The following ADCY3 variants were observed in gnomAD, a reference collection of about 807,000 sequenced individuals.
The protein encoded by ADCY3 is adenylate cyclase 3.
In ADCY3, 70 loss-of-function variants were observed where a neutral mutation model predicts 119.4. The observed-to-expected ratio is 0.59, with a 90% confidence interval of 0.48 to 0.72. The LOEUF (loss-of-function observed/expected upper bound fraction) is 0.72. Ranked by LOEUF, ADCY3 falls within the 30% of genes least tolerant of loss-of-function variation. ADCY3 has a pLI of 0.00. For synonymous variants in ADCY3, 672 were observed against 621.4 expected, an observed-to-expected ratio of 1.08 and a Z score of -1.21; for missense variants, 1,238 against 1,541.6, an observed-to-expected ratio of 0.80 and a Z score of 3.30.
At chr2:24,907,686 T>C (rs955253563) in intron 2 of ADCY3, among the ~76,000 whole-genome samples, 21 of 152,030 alleles carry the variant, frequency 1.4e-4, no homozygotes, top group Admixed American at 7.2e-4. Flanking sequence ...GACACATAAA[T>C]AAAATCAATA....
chr2:24,884,944 T>C (rs1676857704), intron 2 of ADCY3, among the ~76,000 whole-genome samples: 1 of 152,226 alleles, frequency 6.6e-6, no homozygotes, highest in Non-Finnish European at 1.5e-5. Flanking sequence ...TGCGTTTAAT[T>C]CAGTTCCCTG....
At chr2:24,866,753 A>T (rs900345196) in intron 3 of ADCY3, among the ~76,000 whole-genome samples, 6 of 152,122 alleles carry the variant, frequency 3.9e-5, no homozygotes, top group African/African-American at 9.7e-5. Context: ...AGTTTTTAAA[A>T]TCAAATGGAA....
At chr2:24,827,304 T>G (rs958988329) in intron 15 of ADCY3, among the ~76,000 whole-genome samples, 10 of 152,196 alleles carry the variant, frequency 6.6e-5, no homozygotes, top group Non-Finnish European at 1.3e-4. Flanking sequence ...CTCCTCATTT[T>G]CCTGCTGCCT....
chr2:24,832,915 T>C (rs1244980042), intron 11 of ADCY3, among the ~76,000 whole-genome samples: 1 of 152,172 alleles, frequency 6.6e-6, no homozygotes, highest in African/African-American at 2.4e-5. Flanking sequence ...GTCCTGCCAG[T>C]TGCTCAGATC....
chr2:24,838,365 T>C, intron 8 of ADCY3, 80 bp downstream of exon 8: 9 of 1,405,382 alleles, frequency 6.4e-6, no homozygotes, highest in Non-Finnish European at 8.7e-6. Context: ...TTCTGCAATC[T>C]TTCCTTAATC....
At chr2:24,910,876 A>C (rs1287964313) in intron 2 of ADCY3, among the ~76,000 whole-genome samples, 2 of 151,972 alleles carry the variant, frequency 1.3e-5, no homozygotes, top group Non-Finnish European at 2.9e-5. Context: ...CGATCTCCTG[A>C]CCTCGTGATC....
intron 3 of ADCY3, among the ~76,000 whole-genome samples, chr2:24,870,406 A>G (rs1674851071): frequency 6.6e-6 from 1 of 152,118 alleles, no homozygotes; most frequent in African/African-American, 2.4e-5. Context: ...AGGGGCAGCA[A>G]CGAGCCCAAG....
chr2:24,870,640 G>A (rs892614813), intron 3 of ADCY3, among the ~76,000 whole-genome samples: 4 of 152,188 alleles, frequency 2.6e-5, no homozygotes, highest in African/African-American at 7.2e-5. Context: ...ACTGTGGCCC[G>A]GGCAGGCTGC....
In ADCY3 at chr2:24,842,491, G is replaced by C; in HGVS notation, c.826-107C>G. ...GATCCTGGCAAGAAACGTGAGCAGG[G>C]AACCATGCTGCCCTCCAGAGAGACC... On this transcript the variant is annotated intron_variant, in intron 3 of 21. Coordinates refer to ENST00000679454, the MANE Select transcript of ADCY3 (RefSeq NM_004036.5). The surrounding 1 kb of genome is among the most constrained non-coding windows in gnomAD (Gnocchi z 4.9). 7.1e-7 allele frequency: 1 copy of C among 1,412,458 alleles called. No individual in the cohort carries two copies. Among genetic ancestry groups the C allele is most frequent in the East Asian group, 2.4e-5 (1 of 41,460 alleles). The allele number at this position is 1,412,458 out of a possible 1,614,324, so 87.5% of individuals were successfully genotyped here. A position where few individuals can be genotyped will look rare whatever the true frequency, so the allele number is the denominator to read the frequency against.
rs149692614 is a variant in ADCY3, at chr2:24,897,857, G to A, written c.675+20456C>T. Reference sequence around the variant, plus strand: ...GGCTCAGGTCAGGTCCTTGTATCCCGCCACGTTCAGGCAGGTTCTCACATA... The same window carrying A: ...GGCTCAGGTCAGGTCCTTGTATCCCACCACGTTCAGGCAGGTTCTCACATA... On this transcript the variant is annotated intron_variant, in intron 2 of 21. Transcript: ENST00000679454. Among the ~76,000 whole-genome samples, 176 of 152,056 alleles carry A rather than the reference G, an allele frequency of 1.2e-3. 1 individual carries two copies. The highest frequency in any genetic ancestry group is 3.9e-3 in the African/African-American group (163 of 41,466).
intron 11 of ADCY3, 38 bp from the exon 12 acceptor site, chr2:24,831,787 G>A (rs944539727): frequency 1.3e-6 from 2 of 1,518,196 alleles, no homozygotes; most frequent in South Asian, 1.1e-5. Flanking sequence ...AGGCCAGAGG[G>A]GACAGTGAGA....
Position 24,838,445 on chromosome 2 carries a change from C to T in ADCY3, c.1533G>A (p.Ser511=), listed in dbSNP as rs771095823. The stretch of plus-strand genomic sequence containing the variant: ...GGGTGGGGTGGGGTGGGGAACTCAC[C>T]GAGCCATTGAGGCCATTCTGGGTGG... ...KTATQNGLNG[S]ALPNGAPASS... is the part of the protein sequence containing the mutation. Residue 511 remains serine, a splice_region_variant and synonymous_variant, in exon 8 of 22, where the codon TCG becomes TCA. Coordinates refer to ENST00000679454, the MANE Select transcript of ADCY3 (RefSeq NM_004036.5). 52 of 1,611,398 alleles carry T rather than the reference C, an allele frequency of 3.2e-5. 1 individual carries two copies. Among genetic ancestry groups the T allele is most frequent in the Admixed American group, 3.2e-4 (19 of 59,932 alleles).
At chr2:24,848,069 C>G (rs1671857958) in intron 3 of ADCY3, among the ~76,000 whole-genome samples, 2 of 152,256 alleles carry the variant, frequency 1.3e-5, no homozygotes, top group Non-Finnish European at 2.9e-5. Context: ...GTGTTGGGAA[C>G]AAGCCCCCCA....
rs1363779233 is a variant in ADCY3, at chr2:24,827,884, A to C, written c.2432+18T>G. ...GAGGAAGGAGACAATACAGATCCCC[A>C]GTCACGCTTCATCTTACTCGTGCTC... On this transcript the variant is annotated intron_variant, in intron 14 of 21. Transcript: ENST00000679454. 4 of 1,613,396 alleles carry C rather than the reference A, an allele frequency of 2.5e-6. No individual in the cohort carries two copies. The highest frequency in any genetic ancestry group is 3.3e-5 in the Admixed American group (2 of 60,024).
At chr2:24,848,291 T>C (rs1314460634) in intron 3 of ADCY3, among the ~76,000 whole-genome samples, 1 of 152,254 alleles carries the variant, frequency 6.6e-6, no homozygotes, top group Non-Finnish European at 1.5e-5. Flanking sequence ...CTTAAGGACA[T>C]GCTCCTGCTG....
chr2:24,865,023 T>A (rs1339735266), intron 3 of ADCY3, among the ~76,000 whole-genome samples: 2 of 152,240 alleles, frequency 1.3e-5, no homozygotes, highest in African/African-American at 4.8e-5. Flanking sequence ...CAGCAATGTT[T>A]ACAGTAGCAA....
intron 2 of ADCY3, among the ~76,000 whole-genome samples, chr2:24,882,394 C>G (rs1676505590): frequency 6.6e-6 from 1 of 152,204 alleles, no homozygotes; most frequent in Non-Finnish European, 1.5e-5. Context: ...CTCTGGGAAG[C>G]AAGTCCATTG....
At position 24,834,905 on chromosome 2, in the gene ADCY3, C is replaced by T. The variant is rs1194991790; in HGVS notation, c.1694G>A (p.Arg565Gln). Residue 565 changes from arginine (R) to glutamine (Q), a missense_variant, in exon 10 of 22, where the codon CGG (arginine) becomes CAG (glutamine). Arg to Gln is a conservative substitution (Grantham distance 43, BLOSUM62 1). Transcript: ENST00000679454. The surrounding 1 kb of genome is among the most constrained non-coding windows in gnomAD (Gnocchi z 4.2). ...AGCCAGGTCCTGCAGGCGCAGCCTC[C>T]GGCGTGGGTTGGGGAATGAGGGGTT... ...ADNPSFPNPR[R>Q]RLRLQDLADR... 9.3e-6 allele frequency: 15 copies of T among 1,613,732 alleles called. No homozygotes were observed. The highest frequency in any genetic ancestry group is 2.2e-5 in the East Asian group (1 of 44,860).
At chr2:24,848,472 C>A (rs1333333069) in intron 3 of ADCY3, among the ~76,000 whole-genome samples, 2 of 152,078 alleles carry the variant, frequency 1.3e-5, no homozygotes, top group Non-Finnish European at 2.9e-5. Flanking sequence ...GGCTGTGAGA[C>A]CCCTGATTTC....
Sources: allele counts gnomAD v4.1 joint callset (sites outside exome capture counted in the v4.1 genomes callset), GRCh38; gene constraint gnomAD v4.1.1; non-coding constraint Gnocchi (gnomAD v3.1); transcripts MANE v1.5; gene names NCBI Gene and HGNC (gene_info 2026-07-23, HGNC 2026-07-21).